SOX5: variants seen among roughly 807,000 people sequenced by gnomAD.
The protein encoded by SOX5 is SRY-box transcription factor 5, also known as transcription factor SOX-5.
In SOX5, 9 loss-of-function variants were observed where a neutral mutation model predicts 92.0. The observed-to-expected ratio is 0.10, with a 90% CI of 0.06 to 0.17. SOX5 has a LOEUF of 0.17. Ranked by LOEUF, SOX5 falls within the 10% of genes least tolerant of loss-of-function variation. SOX5 has a pLI of 1.00. For missense variants in SOX5, 642 were observed against 944.5 expected (o/e 0.68, Z 4.20); for synonymous variants, 344 against 336.3 (o/e 1.02, Z -0.25).
intron 4 of SOX5, among the ~76,000 whole-genome samples, chr12:24,020,759 G>A (rs995184728): frequency 1.3e-5 from 2 of 152,096 alleles, no homozygotes; most frequent in Admixed American, 1.3e-4. Context: ...CAACTCCCTC[G>A]GAAGGAAGAC....
At chr12:24,265,672 T>A (rs533635391) in intron 3 of SOX5, among the ~76,000 whole-genome samples, 4 of 152,332 alleles carry the variant, frequency 2.6e-5, no homozygotes, top group Admixed American at 6.5e-5. Context: ...AACATACAAT[T>A]GAGAAGAATA....
At position 24,524,552 on chromosome 12, in the gene SOX5, T is replaced by C. The variant is rs116231633; in HGVS notation, c.-251+37777A>G. Among the ~76,000 whole-genome samples the C allele has an allele frequency of 5.2e-3, 789 of 152,212 alleles. 11 individuals are homozygous for C. Among genetic ancestry groups the C allele is most frequent in the African/African-American group, 0.017 (689 of 41,518 alleles). On this transcript the variant is annotated intron_variant, in intron 1 of 4. Transcript: ENST00000446891. ...TTAAAATGTGCTAAAAATTTAAATA[T>C]ACAGGTATATGAAAAGATGCCTAAT...
At chr12:23,973,350 G>A (rs1172766388) in intron 4 of SOX5, among the ~76,000 whole-genome samples, 3 of 151,466 alleles carry the variant, frequency 2.0e-5, no homozygotes, top group Admixed American at 6.6e-5. Flanking sequence ...TTATAAAGAT[G>A]GGGTTTCACC....
At chr12:23,537,351 T>C (rs750472142) in intron 13 of SOX5, among the ~76,000 whole-genome samples, 2 of 152,088 alleles carry the variant, frequency 1.3e-5, no homozygotes, top group Non-Finnish European at 2.9e-5. Flanking sequence ...ATGAGAAAAT[T>C]GAGATTCAAA....
intron 4 of SOX5, among the ~76,000 whole-genome samples, chr12:24,132,158 C>T (rs1949707851): frequency 6.6e-6 from 1 of 151,594 alleles, no homozygotes; most frequent in Admixed American, 6.6e-5. Flanking sequence ...ATACATGTGC[C>T]AAGTAGTCTG....
intron 1 of SOX5, among the ~76,000 whole-genome samples, chr12:24,470,236 A>G (rs965188244): frequency 2.0e-5 from 3 of 152,164 alleles, no homozygotes; most frequent in Admixed American, 1.3e-4. Context: ...ACCCACATCT[A>G]TATTATATCA....
chr12:23,763,480 T>C (rs1337034652), intron 3 of SOX5, among the ~76,000 whole-genome samples: 1 of 152,138 alleles, frequency 6.6e-6, no homozygotes, highest in Non-Finnish European at 1.5e-5. Context: ...CCACCTACTA[T>C]TAATGTATTT....
intron 1 of SOX5, among the ~76,000 whole-genome samples, chr12:24,531,444 C>T (rs1266022749): frequency 2.0e-5 from 3 of 152,024 alleles, no homozygotes; most frequent in Non-Finnish European, 4.4e-5. Context: ...ATAACAGATG[C>T]ACACAAAAAC....
At chr12:24,406,857 A>C (rs1205484809) in intron 1 of SOX5, among the ~76,000 whole-genome samples, 1 of 152,216 alleles carries the variant, frequency 6.6e-6, no homozygotes, top group Admixed American at 6.5e-5. Context: ...GAGATGAAAA[A>C]TAAATTGTGT....
At chr12:23,612,755 G>A (rs1222033261) in intron 8 of SOX5, among the ~76,000 whole-genome samples, 2 of 152,096 alleles carry the variant, frequency 1.3e-5, no homozygotes, top group Non-Finnish European at 2.9e-5. Flanking sequence ...TGACGGAAAA[G>A]TATTTGTTTA....
At chr12:23,799,043 A>G (rs183137779) in intron 3 of SOX5, among the ~76,000 whole-genome samples, 1 of 152,128 alleles carries the variant, frequency 6.6e-6, no homozygotes, top group Admixed American at 6.5e-5. Flanking sequence ...TGCTCAACAT[A>G]GTAATACTTA....
intron 2 of SOX5, among the ~76,000 whole-genome samples, chr12:23,859,689 T>G (rs1207500218): frequency 6.6e-6 from 1 of 152,142 alleles, no homozygotes; most frequent in Non-Finnish European, 1.5e-5. Context: ...AATAAAAACT[T>G]GCTGGTTTTG....
intron 2 of SOX5, among the ~76,000 whole-genome samples, chr12:23,850,443 TAAATAAATAAAAAAA>T (rs1467199883): frequency 1.9e-5 from 2 of 104,386 alleles, no homozygotes; most frequent in Non-Finnish European, 3.8e-5. Flanking sequence ...AAAAAATAAA[TAAATAAATAAAAAAA>T]AAATAAATAA....
At chr12:23,729,523 G>A (rs775233815) in intron 6 of SOX5, among the ~76,000 whole-genome samples, 13 of 152,254 alleles carry the variant, frequency 8.5e-5, no homozygotes, top group Middle Eastern at 3.4e-3. Context: ...CTACCCTTAG[G>A]TCCTGACAGA....
intron 1 of SOX5, among the ~76,000 whole-genome samples, chr12:24,425,282 G>A (rs1214386432): frequency 6.6e-6 from 1 of 152,148 alleles, no homozygotes; most frequent in Non-Finnish European, 1.5e-5. Flanking sequence ...CAATTAATCT[G>A]TAGAAAAGGA....
chr12:23,949,752 CCCTCT>C (rs1945257665), upstream of SOX5: 12 of 929,926 alleles, frequency 1.3e-5, no homozygotes, highest in Non-Finnish European at 1.7e-5. Flanking sequence ...CTCTCTCTCT[CCCTCT>C]CTCTCTCTGT....
At chr12:24,129,764 A>T (rs769701093) in intron 4 of SOX5, among the ~76,000 whole-genome samples, 1 of 152,204 alleles carries the variant, frequency 6.6e-6, no homozygotes, top group Non-Finnish European at 1.5e-5. Context: ...AACTTATATC[A>T]AGGGAGACAC....
rs149608617 is a variant in SOX5, at chr12:24,258,298, C to G, written c.-77+18918G>C. On this transcript the variant is annotated intron_variant, in intron 3 of 4. Coordinates refer to the SOX5 transcript ENST00000446891. ...GATTAAAACAAAACAAACAAACAAACAAACAAACAAAGTGAGTTACATGGT... is the reference window on the plus strand; with the variant it reads ...GATTAAAACAAAACAAACAAACAAAGAAACAAACAAAGTGAGTTACATGGT... Among the ~76,000 whole-genome samples the G allele has an allele frequency of 5.4e-3, 821 of 150,746 alleles. 15 individuals carry two copies. Among genetic ancestry groups the G allele is most frequent in the African/African-American group, 0.02 (793 of 40,260 alleles).
At chr12:23,576,456 T>G (rs1352688663) in intron 9 of SOX5, among the ~76,000 whole-genome samples, 1 of 152,218 alleles carries the variant, frequency 6.6e-6, no homozygotes, top group East Asian at 1.9e-4. Flanking sequence ...CCCTACTATG[T>G]GCAACTTATT....
Sources: allele counts gnomAD v4.1 joint callset (sites outside exome capture counted in the v4.1 genomes callset), GRCh38; gene constraint gnomAD v4.1.1; transcripts MANE v1.5; gene names NCBI Gene and HGNC (gene_info 2026-07-23, HGNC 2026-07-21).